USP14: variants seen among roughly 807,000 people sequenced by gnomAD.
USP14 encodes ubiquitin carboxyl-terminal hydrolase 14.
In USP14, 38 loss-of-function variants were observed where a neutral mutation model predicts 76.5. The ratio of observed to expected loss-of-function variants is 0.50; its 90% CI spans 0.38 to 0.65. The LOEUF (loss-of-function observed/expected upper bound fraction) is 0.65, where lower values mean the gene tolerates loss of function less well. Ranked by LOEUF, USP14 falls within the 30% of genes least tolerant of loss-of-function variation. USP14 has a pLI of 0.00. For missense variants in USP14, 467 were observed against 586.5 expected, an observed-to-expected ratio of 0.80 and a Z score of 2.10; for synonymous variants, 192 against 191.7, an observed-to-expected ratio of 1.00 and a Z score of -0.01.
intron 3 of USP14, among the ~76,000 whole-genome samples, chr18:168,169 G>A (rs950764841): frequency 6.6e-5 from 10 of 151,444 alleles, no homozygotes; most frequent in East Asian, 2.0e-4. Context: ...CAGGTGATCC[G>A]CCCACCTTGG....
chr18:172,536 A>G (rs1356785825), intron 3 of USP14, among the ~76,000 whole-genome samples: 2 of 152,238 alleles, frequency 1.3e-5, no homozygotes, highest in Non-Finnish European at 2.9e-5. Flanking sequence ...CGCAAGCTAC[A>G]GAGAACTCTT....
At position 204,592 on chromosome 18, in the gene USP14, T is replaced by C; in HGVS notation, c.1064T>C (p.Met355Thr). The change falls in exon 13 of 16, where the codon ATG (methionine) becomes ACG (threonine). Residue 355 changes from methionine to threonine, a missense_variant. By Grantham distance (81) the Met-to-Thr change is moderately conservative. Coordinates refer to ENST00000261601, the MANE Select transcript of USP14 (RefSeq NM_005151.4). ...KDVKFPLMLD[M>T]YELCTPELQE... ...GTTAAATTTCCTCTTATGTTGGATA[T>C]GTATGAACTGTGTACACCAGAACTT... 6.2e-7 allele frequency: 1 copy of C among 1,611,018 alleles called. No individual in the cohort carries two copies. The highest frequency in any genetic ancestry group is 8.5e-7 in the Non-Finnish European group (1 of 1,179,010).
At chr18:174,909 G>GGGA (rs1266147543) in intron 3 of USP14, among the ~76,000 whole-genome samples, 1 of 152,072 alleles carries the variant, frequency 6.6e-6, no homozygotes, top group Non-Finnish European at 1.5e-5. Flanking sequence ...CCGAGTAGCT[G>GGGA]GGACTACAGG....
At chr18:200,500 TG>T (rs1475628653) in intron 10 of USP14, among the ~76,000 whole-genome samples, 1 of 152,234 alleles carries the variant, frequency 6.6e-6, no homozygotes, top group Non-Finnish European at 1.5e-5. Flanking sequence ...AATTGGCTTT[TG>T]GCAGAGCCAG....
At chr18:207,190 C>T (rs193001656) in intron 13 of USP14, among the ~76,000 whole-genome samples, 2 of 144,862 alleles carry the variant, frequency 1.4e-5, no homozygotes, top group Admixed American at 1.4e-4. Context: ...TGTCCTGATG[C>T]TCATACCAGA....
chr18:165,037 C>T (rs1351180951), intron 2 of USP14, among the ~76,000 whole-genome samples: 2 of 152,128 alleles, frequency 1.3e-5, no homozygotes, highest in African/African-American at 4.8e-5. Flanking sequence ...CAACCACCGC[C>T]TCCCGGGCTC....
intron 3 of USP14, among the ~76,000 whole-genome samples, chr18:176,376 C>T (rs7228542): frequency 0.15 from 23,264 of 152,106 alleles, 2,058 homozygotes; most frequent in African/African-American, 0.22. Flanking sequence ...TGACCTTGAG[C>T]ACCTAGGCTC....
chr18:189,204 T>A (rs1910019167), intron 5 of USP14, among the ~76,000 whole-genome samples: 3 of 152,156 alleles, frequency 2.0e-5, no homozygotes, highest in South Asian at 4.1e-4. Context: ...AAGAATTGGC[T>A]ATTAGATTTG....
rs1208440647 is a variant in USP14 at position 213,588 on chromosome 18, C to CAACA, written c.*2305_*2308dup. 3 of 152,414 alleles carry CAACA rather than the reference C, an allele frequency of 2.0e-5. No homozygotes were observed. The highest frequency in any genetic ancestry group is 4.4e-5 in the Non-Finnish European group (3 of 68,020). The allele number at this position is 152,414 out of a possible 1,614,324, so 9.4% of individuals were successfully genotyped here. Reference sequence around the variant, plus strand: ...GCCACTCACACCGAGGCCATCATCTCAACATTAGAGTTGTGCTAGATTACT... The same window carrying CAACA: ...GCCACTCACACCGAGGCCATCATCTCAACAAACATTAGAGTTGTGCTAGATTACT... On this transcript the variant is annotated 3_prime_UTR_variant, in exon 16 of 16. Transcript: ENST00000261601.
chr18:184,011 C>T (rs1459692663), intron 5 of USP14, among the ~76,000 whole-genome samples: 1 of 152,094 alleles, frequency 6.6e-6, no homozygotes, highest in African/African-American at 2.4e-5. Flanking sequence ...TGCCTTTTAG[C>T]CTCTGTTCCT....
At chr18:188,536 G>GAAA (rs1384953895) in intron 5 of USP14, among the ~76,000 whole-genome samples, 1 of 147,976 alleles carries the variant, frequency 6.8e-6, no homozygotes, top group Non-Finnish European at 1.5e-5. Flanking sequence ...CCTTTGTGAG[G>GAAA]GTTTGGTGTT....
Position 163,368 on chromosome 18 carries a change from C to T in USP14, c.77C>T (p.Pro26Leu). 1.2e-6 allele frequency: 2 copies of T among 1,613,984 alleles called. No homozygotes were observed. Among genetic ancestry groups the T allele is most frequent in the African/African-American group, 1.3e-5 (1 of 75,030 alleles). Residue 26 changes from proline (P) to leucine (L), a missense_variant, in exon 2 of 16, where the codon CCA becomes CTA. Transcript: ENST00000261601. ...GTAGAATTGAATACAGATGAACCTC[C>T]AATGGTATTCAAGGCTCAGCTGTTT... ...EGVELNTDEP[P>L]MVFKAQLFAL...
At chr18:193,003 C>G in intron 6 of USP14, 103 bp downstream of exon 6, 1 of 896,594 alleles carries the variant, frequency 1.1e-6, no homozygotes, top group Admixed American at 2.5e-5. Context: ...AACATCACCT[C>G]ATTAAGCCTG....
chr18:179,369 A>G (rs557745338), intron 4 of USP14, among the ~76,000 whole-genome samples: 1 of 152,180 alleles, frequency 6.6e-6, no homozygotes, highest in South Asian at 2.1e-4. Context: ...CTATATAAGT[A>G]TTTACTATTA....
intron 2 of USP14, among the ~76,000 whole-genome samples, chr18:165,355 C>T (rs562397123): frequency 1.1e-4 from 17 of 152,302 alleles, no homozygotes; most frequent in Non-Finnish European, 1.6e-4. Flanking sequence ...CAGGCTACCC[C>T]CACTGGGCAG....
At chr18:191,773 G>A (rs1910095429) in intron 5 of USP14, among the ~76,000 whole-genome samples, 1 of 152,084 alleles carries the variant, frequency 6.6e-6, no homozygotes, top group Non-Finnish European at 1.5e-5. Flanking sequence ...CAATCTTGCC[G>A]ATATTGGGTG....
chr18:167,578 T>G (rs1371239312), intron 3 of USP14, among the ~76,000 whole-genome samples: 1 of 152,130 alleles, frequency 6.6e-6, no homozygotes, highest in Non-Finnish European at 1.5e-5. Flanking sequence ...TGGTCATGGC[T>G]CGCTGCAGCT....
At chr18:178,089 C>T (rs539409941) in intron 3 of USP14, among the ~76,000 whole-genome samples, 2 of 152,220 alleles carry the variant, frequency 1.3e-5, no homozygotes, top group East Asian at 3.9e-4. Flanking sequence ...GGTGTGATCA[C>T]AGCTCACCAC....
chr18:172,731 A>C (rs1410188105), intron 3 of USP14, among the ~76,000 whole-genome samples: 2 of 152,162 alleles, frequency 1.3e-5, no homozygotes, highest in African/African-American at 4.8e-5. Flanking sequence ...TTTAAGCAAT[A>C]AATTATTTTA....
Sources: allele counts gnomAD v4.1 joint callset (sites outside exome capture counted in the v4.1 genomes callset), GRCh38; gene constraint gnomAD v4.1.1; transcripts MANE v1.5; gene names NCBI Gene and HGNC (gene_info 2026-07-23, HGNC 2026-07-21).